The following FAAH2 variants were observed in gnomAD, a reference collection of about 807,000 sequenced individuals.
The protein encoded by FAAH2 is fatty acid amide hydrolase 2.
FAAH2 carries 60 observed loss-of-function variants against 36.9 expected under a neutral mutation model. That is an observed-to-expected ratio of 1.63 (90% CI 1.32 to 2.02). FAAH2 has a LOEUF of 2.02. Ranked by LOEUF, FAAH2 falls within the 30% of genes most tolerant of loss-of-function variation. The pLI is 0.00. For synonymous variants in FAAH2, 214 were observed against 143.8 expected, an observed-to-expected ratio of 1.49 and a Z score of -3.49; for missense variants, 689 against 397.5, an observed-to-expected ratio of 1.73 and a Z score of -6.23.
chrX:57,358,578 T>TA (rs1318245363), intron 5 of FAAH2, among the ~76,000 whole-genome samples: 1 of 111,271 alleles, frequency 9.0e-6, no homozygotes, highest in Admixed American at 9.6e-5. Context: ...TGTGTATATA[T>TA]ATAGAGAGAG....
intron 5 of FAAH2, among the ~76,000 whole-genome samples, chrX:57,361,715 CT>C (rs750699384): frequency 4.9e-4 from 54 of 111,200 alleles, no homozygotes; most frequent in African/African-American, 1.6e-3. Context: ...TGTGTTCTCT[CT>C]TGGAGAATGT....
chrX:57,283,834 G>A (rs1296373142), upstream of FAAH2, among the ~76,000 whole-genome samples: 1 of 112,042 alleles, frequency 8.9e-6, no homozygotes, highest in African/African-American at 3.2e-5. Context: ...GGTTGTCTCT[G>A]GGATTTCCTC....
intron 3 of FAAH2, among the ~76,000 whole-genome samples, chrX:57,329,139 G>T (rs2053319220): frequency 8.9e-6 from 1 of 112,341 alleles, no homozygotes; most frequent in Non-Finnish European, 1.9e-5. Flanking sequence ...AGGTACCAGG[G>T]TGCTGACCTT....
intron 8 of FAAH2, among the ~76,000 whole-genome samples, chrX:57,437,993 A>C (rs990361830): frequency 6.7e-5 from 7 of 104,330 alleles, no homozygotes; most frequent in Non-Finnish European, 1.2e-4. Context: ...ATGTACATAT[A>C]TACATACGTA....
chrX:57,349,929 C>A (rs765532873), intron 5 of FAAH2, among the ~76,000 whole-genome samples: 48 of 110,333 alleles, frequency 4.4e-4, no homozygotes, highest in Admixed American at 4.8e-4. Context: ...AAATAGAATA[C>A]AAAAAATCTT....
At chrX:57,407,817 G>A (rs757862327) in intron 7 of FAAH2, among the ~76,000 whole-genome samples, 5 of 111,952 alleles carry the variant, frequency 4.5e-5, no homozygotes, top group Non-Finnish European at 9.4e-5. Flanking sequence ...ATTTTGAGAT[G>A]ATTTTTGTGT....
At chrX:57,423,984 C>G (rs1370240841) in intron 7 of FAAH2, among the ~76,000 whole-genome samples, 1 of 111,360 alleles carries the variant, frequency 9.0e-6, no homozygotes, top group Non-Finnish European at 1.9e-5. Flanking sequence ...TCGGCCGACA[C>G]AATAGCATAG....
chrX:57,344,007 C>G (rs923794299), intron 5 of FAAH2, among the ~76,000 whole-genome samples: 1 of 110,851 alleles, frequency 9.0e-6, no homozygotes, highest in African/African-American at 3.3e-5. Context: ...GTTTTGGTTA[C>G]ATTAGTCGTA....
At chrX:57,465,420 A>G (rs970569317) in intron 10 of FAAH2, among the ~76,000 whole-genome samples, 1 of 111,621 alleles carries the variant, frequency 9.0e-6, no homozygotes, top group Non-Finnish European at 1.9e-5. Context: ...CCCTAAATAA[A>G]TGAAAAATTC....
intron 10 of FAAH2, among the ~76,000 whole-genome samples, chrX:57,487,948 G>T (rs998475057): frequency 3.9e-4 from 44 of 111,947 alleles, no homozygotes; most frequent in Admixed American, 5.7e-4. Context: ...CAATGGAATA[G>T]TCTTTGTCCA....
chrX:57,389,983 C>T (rs1481881148), intron 7 of FAAH2, among the ~76,000 whole-genome samples: 1 of 109,715 alleles, frequency 9.1e-6, no homozygotes, highest in African/African-American at 3.3e-5. Flanking sequence ...GGGCCAGTTG[C>T]ATGTCTCCTT....
chrX:57,395,395 T>C, intron 7 of FAAH2: 1 of 718,645 alleles, frequency 1.4e-6, no homozygotes, highest in South Asian at 2.1e-5. Context: ...TGTTCAGGAT[T>C]TCTGCTGGTG....
chrX:57,487,855 C>A (rs1055054956), intron 10 of FAAH2, among the ~76,000 whole-genome samples: 1 of 111,578 alleles, frequency 9.0e-6, no homozygotes, highest in South Asian at 3.7e-4. Flanking sequence ...CTGATTTTTG[C>A]AGCATAATTA....
chrX:57,431,841 A>G (rs1335971662), intron 7 of FAAH2, 77 bp from the exon 8 acceptor site: 5 of 842,251 alleles, frequency 5.9e-6, no homozygotes, highest in Non-Finnish European at 7.4e-6. Flanking sequence ...CTGCTCTGCC[A>G]TCTTGCTGAT....
At chrX:57,190,643 A>G in the FAAH2 span, among the ~76,000 whole-genome samples, 3 of 110,234 alleles carry the variant, frequency 2.7e-5, no homozygotes, top group Non-Finnish European at 3.8e-5. Context: ...TGGCTGGGAA[A>G]GGGAAGCCCC....
chrX:57,455,281 T>G (rs1301316867), intron 10 of FAAH2, among the ~76,000 whole-genome samples: 3 of 111,305 alleles, frequency 2.7e-5, no homozygotes, highest in Non-Finnish European at 3.8e-5. Flanking sequence ...CAGACCACCC[T>G]TACCCGAGTT....
At chrX:57,343,787 T>G (rs893974284) in intron 5 of FAAH2, among the ~76,000 whole-genome samples, 1 of 111,745 alleles carries the variant, frequency 8.9e-6, no homozygotes. Context: ...AGTTAATTTT[T>G]GCATATGGTG....
At chrX:57,157,643 A>AT in the FAAH2 span, among the ~76,000 whole-genome samples, 2 of 110,671 alleles carry the variant, frequency 1.8e-5, no homozygotes, top group East Asian at 2.9e-4. Flanking sequence ...TCTTGAATGC[A>AT]TTTTTTCTTA....
chrX:57,316,838 AC>A (rs2052854323), intron 3 of FAAH2, among the ~76,000 whole-genome samples: 1 of 111,359 alleles, frequency 9.0e-6, no homozygotes, highest in African/African-American at 3.3e-5. Flanking sequence ...CTCCAAAAAA[AC>A]ATGGTCAACT....
Sources: gnomAD v4.1 joint callset for allele counts (sites outside exome capture counted in the v4.1 genomes callset) on GRCh38, gnomAD v4.1.1 for gene constraint, MANE v1.5 for transcripts, NCBI Gene and HGNC (gene_info 2026-07-23, HGNC 2026-07-21) for gene names.